PLEKHA8: variants seen among roughly 807,000 people sequenced by gnomAD.
The protein encoded by PLEKHA8 is pleckstrin homology domain containing A8.
A neutral mutation model predicts 68.2 loss-of-function variants in PLEKHA8; 36 were observed. That is an observed-to-expected ratio of 0.53 (90% confidence interval 0.40 to 0.70). The LOEUF (loss-of-function observed/expected upper bound fraction) is 0.70, where lower values mean the gene tolerates loss of function less well. Among genes scored for constraint, PLEKHA8 ranks in the 30% least tolerant of loss-of-function variants. The pLI is 0.00. For synonymous variants in PLEKHA8, 211 were observed against 216.1 expected (o/e 0.98, Z 0.20); for missense variants, 505 against 615.4 (o/e 0.82, Z 1.90).
intron 13 of PLEKHA8, among the ~76,000 whole-genome samples, chr7:30,109,296 A>G (rs2128016223): frequency 6.6e-6 from 1 of 152,308 alleles, no homozygotes; most frequent in South Asian, 2.1e-4. Flanking sequence ...GCATTTGTTA[A>G]AAGAGATTAA....
Position 30,081,288 on chromosome 7 carries a change from G to T in PLEKHA8, c.*2501G>T. The T allele has an allele frequency of 1.0e-6, 1 of 985,246 alleles. No homozygotes were observed. The highest frequency in any genetic ancestry group is 1.2e-6 in the Non-Finnish European group (1 of 829,852). 61.0% of individuals were successfully genotyped at this position (985,246 alleles called of 1,614,324 possible). On this transcript the variant is annotated 3_prime_UTR_variant, in exon 14 of 14. Coordinates refer to ENST00000449726, the MANE Select transcript of PLEKHA8 (RefSeq NM_001197026.2). Reference sequence around the variant, plus strand: ...TATTTTCCCCACTGGAGCATATTACGTTTGCCTAAGATGTATAAAAGTTTG... The same window carrying T: ...TATTTTCCCCACTGGAGCATATTACTTTTGCCTAAGATGTATAAAAGTTTG...
chr7:30,101,830 G>A (rs1273058503), intron 13 of PLEKHA8, among the ~76,000 whole-genome samples: 2 of 152,184 alleles, frequency 1.3e-5, no homozygotes, highest in African/African-American at 4.8e-5. Flanking sequence ...TAAGATGTCA[G>A]TTCTCAAATA....
rs576354898 is a variant in PLEKHA8, at chr7:30,067,679, A to G, written c.1300+4937A>G. Among the ~76,000 whole-genome samples the G allele has an allele frequency of 2.0e-5, 3 of 152,338 alleles. 1 individual carries two copies. The South Asian group carries it at 6.2e-4, about 32-fold the overall frequency. On this transcript the variant is annotated intron_variant, in intron 12 of 13. Transcript: ENST00000449726. ...TTTGCTATATATTTATGTGTCCATAAGCAGCATCTAGCATTGGACTACATG... is the reference window on the plus strand; with the variant it reads ...TTTGCTATATATTTATGTGTCCATAGGCAGCATCTAGCATTGGACTACATG...
downstream of PLEKHA8, among the ~76,000 whole-genome samples, chr7:30,094,689 C>A (rs1486974658): frequency 8.1e-6 from 1 of 124,192 alleles, no homozygotes; most frequent in Non-Finnish European, 1.7e-5. Context: ...CCCCACCCCA[C>A]AACAGGCCCC....
chr7:30,115,815 T>TACATAC (rs1796463052), intron 13 of PLEKHA8: 1 of 137,076 alleles, frequency 7.3e-6, no homozygotes, highest in African/African-American at 2.9e-5. Flanking sequence ...CACGCATGCA[T>TACATAC]GTATACATGC....
chr7:30,089,221 T>C (rs1795301135), downstream of PLEKHA8, among the ~76,000 whole-genome samples: 1 of 152,164 alleles, frequency 6.6e-6, no homozygotes, highest in Admixed American at 6.5e-5. Context: ...TACACACTAA[T>C]GTGGCTGTGC....
chr7:30,111,900 A>G (rs1373861176), intron 13 of PLEKHA8, among the ~76,000 whole-genome samples: 3 of 152,258 alleles, frequency 2.0e-5, no homozygotes, highest in African/African-American at 4.8e-5. Flanking sequence ...ACTCTCAGAT[A>G]TAAGACATAA....
At chr7:30,122,572 C>T (rs934534466) in intron 13 of PLEKHA8, among the ~76,000 whole-genome samples, 1 of 152,194 alleles carries the variant, frequency 6.6e-6, no homozygotes, top group African/African-American at 2.4e-5. Flanking sequence ...CTCAGTACCC[C>T]CTTCCATTGA....
Position 30,115,825 on chromosome 7 carries a change from C to CACGCATGCATGTATACATGT in PLEKHA8, c.1363-13441_1363-13440insACGCATGCATGTATACATGT, listed in dbSNP as rs1562557988. ...GTATACACGCATGCATGTATACATG[C>CACGCATGCATGTATACATGT]GTGCACATACATGTATACACGTATG... On this transcript the variant is annotated intron_variant, in intron 13 of 13. Coordinates refer to the PLEKHA8 transcript ENST00000396257. 86 of 141,462 alleles carry CACGCATGCATGTATACATGT rather than the reference C, an allele frequency of 6.1e-4. 7 individuals are homozygous for CACGCATGCATGTATACATGT. Among genetic ancestry groups the CACGCATGCATGTATACATGT allele is most frequent in the African/African-American group, 2.1e-3 (81 of 37,698 alleles). 8.8% of individuals were successfully genotyped at this position (141,462 alleles called of 1,614,324 possible).
At chr7:30,032,331 A>G (rs1237687531) in intron 1 of PLEKHA8, among the ~76,000 whole-genome samples, 1 of 152,226 alleles carries the variant, frequency 6.6e-6, no homozygotes, top group African/African-American at 2.4e-5. Flanking sequence ...GAGCCTTAGT[A>G]TCTTCCTCCA....
At chr7:30,045,265 C>T (rs551483955) in intron 2 of PLEKHA8, 64 bp downstream of exon 2, 24 of 1,187,812 alleles carry the variant, frequency 2.0e-5, no homozygotes, top group Middle Eastern at 2.0e-4. Flanking sequence ...AACAAAAAAG[C>T]CCCTGGCCCC....
At chr7:30,064,263 G>A (rs139601816) in intron 12 of PLEKHA8, among the ~76,000 whole-genome samples, 10 of 152,308 alleles carry the variant, frequency 6.6e-5, no homozygotes, top group East Asian at 3.9e-4. Context: ...TATTTGGTAC[G>A]CAAAACACTC....
Position 30,081,372 on chromosome 7 carries a change from A to C in PLEKHA8, c.*2585A>C. 7 of 984,330 alleles carry C rather than the reference A, an allele frequency of 7.1e-6. No homozygotes were observed. Among genetic ancestry groups the C allele is most frequent in the Non-Finnish European group, 8.4e-6 (7 of 828,946 alleles). The allele number at this position is 984,330 out of a possible 1,614,324, so 61.0% of individuals were successfully genotyped here. On this transcript the variant is annotated 3_prime_UTR_variant, in exon 14 of 14. Coordinates refer to ENST00000449726, the MANE Select transcript of PLEKHA8 (RefSeq NM_001197026.2). Reference sequence around the variant, plus strand: ...AGGATCCTTAAATAAAAATATTAGAAATTAGAAATTGAACCTAATACTAAA... The same window carrying C: ...AGGATCCTTAAATAAAAATATTAGACATTAGAAATTGAACCTAATACTAAA...
intron 12 of PLEKHA8, among the ~76,000 whole-genome samples, 176 bp downstream of exon 12, chr7:30,062,918 CA>C (rs1793552529): frequency 6.6e-6 from 1 of 152,168 alleles, no homozygotes; most frequent in Non-Finnish European, 1.5e-5. Context: ...ACCTATGAGA[CA>C]ATGACCTGGT....
chr7:30,048,628 C>T (rs1170676167), intron 4 of PLEKHA8, among the ~76,000 whole-genome samples: 2 of 152,182 alleles, frequency 1.3e-5, no homozygotes, highest in East Asian at 3.8e-4. Flanking sequence ...AGAGTCTCTG[C>T]TCTGCTTTCA....
At chr7:30,120,327 A>G (rs1796677908) in intron 13 of PLEKHA8, among the ~76,000 whole-genome samples, 1 of 152,192 alleles carries the variant, frequency 6.6e-6, no homozygotes, top group Non-Finnish European at 1.5e-5. Flanking sequence ...TTTAAGGACA[A>G]AAAAGGGAAA....
At chr7:30,067,668 A>T (rs1178813959) in intron 12 of PLEKHA8, among the ~76,000 whole-genome samples, 2 of 151,934 alleles carry the variant, frequency 1.3e-5, no homozygotes, top group Non-Finnish European at 2.9e-5. Context: ...CTATATATTT[A>T]TGTGTCCATA....
At chr7:30,057,666 G>T (rs1375075352) in intron 9 of PLEKHA8, among the ~76,000 whole-genome samples, 1 of 151,984 alleles carries the variant, frequency 6.6e-6, no homozygotes, top group Non-Finnish European at 1.5e-5. Context: ...TCACCATGTT[G>T]GCCAGGCTGG....
chr7:30,119,720 G>C (rs1316279666), intron 13 of PLEKHA8, among the ~76,000 whole-genome samples: 1 of 152,188 alleles, frequency 6.6e-6, no homozygotes, highest in Non-Finnish European at 1.5e-5. Flanking sequence ...GCTTATACCT[G>C]TTTTAACTGT....
Sources: gnomAD v4.1 joint callset for allele counts (sites outside exome capture counted in the v4.1 genomes callset) on GRCh38, gnomAD v4.1.1 for gene constraint, MANE v1.5 for transcripts, NCBI Gene and HGNC (gene_info 2026-07-23, HGNC 2026-07-21) for gene names.